The following SLC10A7 variants were observed in gnomAD, a reference collection of about 807,000 sequenced individuals.
SLC10A7 encodes sodium/bile acid cotransporter 7.
SLC10A7 carries 29 observed loss-of-function variants against 43.2 expected under a neutral mutation model. The observed-to-expected ratio is 0.67, with a 90% confidence interval of 0.50 to 0.92. The LOEUF (loss-of-function observed/expected upper bound fraction) is 0.92. Among genes scored for constraint, SLC10A7 ranks in the 40% least tolerant of loss-of-function variants. The probability of loss-of-function intolerance (pLI) is 0.00; values close to 1 mark genes in which losing one functional copy is unlikely to be tolerated. For synonymous variants in SLC10A7, 152 were observed against 144.8 expected (o/e 1.05, Z -0.35); for missense variants, 295 against 403.2 (o/e 0.73, Z 2.30).
intron 4 of SLC10A7, among the ~76,000 whole-genome samples, chr4:146,495,312 C>T (rs528236429): frequency 4.6e-5 from 7 of 152,268 alleles, no homozygotes; most frequent in East Asian, 3.9e-4. Flanking sequence ...ATTGCTAAAG[C>T]GGAGAAAGTG....
At chr4:146,482,895 C>A (rs1355468240) in intron 4 of SLC10A7, among the ~76,000 whole-genome samples, 1 of 151,894 alleles carries the variant, frequency 6.6e-6, no homozygotes, top group Non-Finnish European at 1.5e-5. Context: ...CAGTGGATTT[C>A]TCAGGAAAAA....
At chr4:146,449,117 G>A (rs1326058977) in intron 4 of SLC10A7, among the ~76,000 whole-genome samples, 2 of 152,172 alleles carry the variant, frequency 1.3e-5, no homozygotes. Context: ...CACCACAGGA[G>A]CATCGGATAC....
intron 3 of SLC10A7, among the ~76,000 whole-genome samples, chr4:146,509,122 C>T (rs549479497): frequency 1.9e-4 from 29 of 152,272 alleles, no homozygotes; most frequent in South Asian, 4.1e-4. Context: ...ACATATCTCA[C>T]TGTTTTGTTC....
chr4:146,290,879 CCAAAA>C (rs1356457455), intron 9 of SLC10A7, among the ~76,000 whole-genome samples: 1 of 151,946 alleles, frequency 6.6e-6, no homozygotes, highest in South Asian at 2.1e-4. Flanking sequence ...CCAAACCAAA[CCAAAA>C]CAAAACAAAA....
intron 4 of SLC10A7, among the ~76,000 whole-genome samples, chr4:146,480,798 G>A (rs1734404953): frequency 6.6e-6 from 1 of 151,948 alleles, no homozygotes; most frequent in Non-Finnish European, 1.5e-5. Flanking sequence ...GAAGAGCGAT[G>A]TCAGCAAGAT....
intron 7 of SLC10A7, among the ~76,000 whole-genome samples, chr4:146,302,259 A>T (rs1731211327): frequency 6.6e-6 from 1 of 152,210 alleles, no homozygotes; most frequent in South Asian, 2.1e-4. Context: ...AACTGTGTGG[A>T]GATGAGAAGT....
chr4:146,337,354 G>A (rs1733958718), intron 5 of SLC10A7, among the ~76,000 whole-genome samples: 1 of 152,018 alleles, frequency 6.6e-6, no homozygotes, highest in South Asian at 2.1e-4. Flanking sequence ...TACAATCTGA[G>A]GTTGCAGTTT....
At chr4:146,282,435 T>C (rs890224018) in intron 10 of SLC10A7, among the ~76,000 whole-genome samples, 6 of 152,156 alleles carry the variant, frequency 3.9e-5, no homozygotes, top group African/African-American at 9.7e-5. Flanking sequence ...TGCTAAAATG[T>C]AGAGAAATTT....
intron 5 of SLC10A7, among the ~76,000 whole-genome samples, chr4:146,368,532 A>G (rs77518159): frequency 0.014 from 2,176 of 152,280 alleles, 51 homozygotes; most frequent in African/African-American, 0.047. Flanking sequence ...GTAGGTAGTA[A>G]CCCTGCACTG....
Position 146,406,986 on chromosome 4 carries a change from AAAC to A in SLC10A7, c.435+35794_435+35796del, listed in dbSNP as rs562762434. On this transcript the variant is annotated intron_variant, in intron 5 of 11. Coordinates refer to ENST00000335472, the MANE Select transcript of SLC10A7 (RefSeq NM_001029998.6). ...CAACAGAGTGAGACTACATCTGAAA[AAAC>A]AAAACAAACAACAACAACAACAAAA... Among the ~76,000 whole-genome samples, 23 of 152,260 alleles carry A rather than the reference AAAC, an allele frequency of 1.5e-4. No homozygotes were observed. In the East Asian group the frequency reaches 4.1e-3, roughly 27 times the overall value.
At chr4:146,313,229 G>A (rs898969323) in intron 6 of SLC10A7, among the ~76,000 whole-genome samples, 1 of 152,130 alleles carries the variant, frequency 6.6e-6, no homozygotes, top group Non-Finnish European at 1.5e-5. Context: ...GGAAAAGCCT[G>A]GCTAGGACAA....
intron 4 of SLC10A7, among the ~76,000 whole-genome samples, chr4:146,468,281 T>C (rs1311645035): frequency 2.0e-5 from 3 of 152,124 alleles, no homozygotes; most frequent in East Asian, 3.8e-4. Context: ...TATTATCACA[T>C]TACCAAGTGG....
chr4:146,393,191 C>CAA (rs765135958), intron 5 of SLC10A7, among the ~76,000 whole-genome samples: 643 of 42,028 alleles, frequency 0.015, 119 homozygotes, highest in South Asian at 0.031. Flanking sequence ...GGCCCTGTCT[C>CAA]AAAAAAAAAA....
intron 10 of SLC10A7, among the ~76,000 whole-genome samples, chr4:146,282,224 C>T (rs1458198907): frequency 2.0e-5 from 3 of 152,138 alleles, no homozygotes; most frequent in Non-Finnish European, 2.9e-5. Context: ...CTCTCAATAA[C>T]AACTGCTCCT....
chr4:146,423,701 G>A (rs973726881), intron 5 of SLC10A7, among the ~76,000 whole-genome samples: 8 of 152,158 alleles, frequency 5.3e-5, no homozygotes, highest in Admixed American at 3.9e-4. Context: ...AGGAATAAAT[G>A]AGAAAAATAA....
chr4:146,436,103 A>G (rs1730190134), intron 5 of SLC10A7, among the ~76,000 whole-genome samples: 1 of 152,078 alleles, frequency 6.6e-6, no homozygotes. Context: ...CTCCACCAAA[A>G]TTAGATTTGT....
In SLC10A7 at chr4:146,408,096, C is replaced by T. The variant is rs577912402; in HGVS notation, c.435+34687G>A. 1.9e-3 allele frequency among the ~76,000 whole-genome samples: 284 copies of T among 152,250 alleles called. 2 individuals carry two copies. Among genetic ancestry groups the T allele is most frequent in the African/African-American group, 6.7e-3 (279 of 41,536 alleles). ...ACATTAGGGAAAGTCAGCTGAGAGC[C>T]TCCTGGAAATGCTTGTTCTAACATA... On this transcript the variant is annotated intron_variant, in intron 5 of 11. Transcript: ENST00000335472.
Position 146,420,271 on chromosome 4 carries a change from C to T in SLC10A7, c.435+22512G>A, listed in dbSNP as rs556790004. 3.3e-5 allele frequency among the ~76,000 whole-genome samples: 5 copies of T among 152,338 alleles called. No individual in the cohort carries two copies. In the East Asian group the frequency reaches 7.7e-4, roughly 23 times the overall value. Reference sequence around the variant, plus strand: ...TTTATTTATCTCACAATGGTTTTCTCACCTACATTTCCGGTTTTTGTTCAT... The same window carrying T: ...TTTATTTATCTCACAATGGTTTTCTTACCTACATTTCCGGTTTTTGTTCAT... On this transcript the variant is annotated intron_variant, in intron 5 of 11. Coordinates refer to ENST00000335472, the MANE Select transcript of SLC10A7 (RefSeq NM_001029998.6).
At chr4:146,476,241 T>A (rs1166004987) in intron 4 of SLC10A7, among the ~76,000 whole-genome samples, 1 of 152,166 alleles carries the variant, frequency 6.6e-6, no homozygotes, top group Non-Finnish European at 1.5e-5. Flanking sequence ...TAATACCTAT[T>A]TTTTAAAGCA....
Sources: gnomAD v4.1 joint callset for allele counts (sites outside exome capture counted in the v4.1 genomes callset) on GRCh38, gnomAD v4.1.1 for gene constraint, MANE v1.5 for transcripts, NCBI Gene and HGNC (gene_info 2026-07-23, HGNC 2026-07-21) for gene names.